Variants in SETX observed in about 807,000 individuals in gnomAD.
SETX encodes helicase senataxin.
A neutral mutation model predicts 227.2 loss-of-function variants in SETX; 90 were observed. The observed-to-expected ratio is 0.40, with a 90% CI of 0.33 to 0.47. The LOEUF is 0.47. Ranked by LOEUF, SETX falls within the 20% of genes least tolerant of loss-of-function variation. SETX has a pLI of 0.91. For synonymous variants in SETX, 1,210 were observed against 1,113.2 expected, an observed-to-expected ratio of 1.09 and a Z score of -1.73; for missense variants, 3,052 against 3,181.5, an observed-to-expected ratio of 0.96 and a Z score of 0.98.
rs139833434 is a variant in SETX, at chr9:132,283,548, GA to G, written c.6397-136del. 1.6e-4 allele frequency: 172 copies of G among 1,091,510 alleles called. No individual in the cohort carries two copies. In the African/African-American group the frequency reaches 2.5e-3, roughly 16 times the overall value. The allele number at this position is 1,091,510 out of a possible 1,614,324, so 67.6% of individuals were successfully genotyped here. On this transcript the variant is annotated intron_variant, in intron 18 of 25. Transcript: ENST00000224140. ...GAAAAATATTTAGTAAAAGTTAGGG[GA>G]AACCCTCAAATCTAGGAAACAGCAG...
At chr9:132,292,805 T>C (rs1436507060) in intron 15 of SETX, among the ~76,000 whole-genome samples, 1 of 152,048 alleles carries the variant, frequency 6.6e-6, no homozygotes, top group Non-Finnish European at 1.5e-5. Flanking sequence ...ACCTGGCTAA[T>C]TTTTTGTGTT....
chr9:132,271,286 G>A lies in SETX; in HGVS notation c.7199+424C>T, dbSNP rs112851883. Among the ~76,000 whole-genome samples, 729 of 152,284 alleles carry A rather than the reference G, an allele frequency of 4.8e-3. 4 individuals are homozygous for A. The highest frequency in any genetic ancestry group is 0.017 in the African/African-American group (691 of 41,554). On this transcript the variant is annotated intron_variant, in intron 24 of 25. Transcript: ENST00000224140. ...GGTTAATATAAAAGACACCAAGGCC[G>A]GGCGCAGTGACTCACGCCTGTAATC...
rs1214545867 is a variant in SETX at position 132,264,311 on chromosome 9, CCTGGTGTGATGGGT to C, written c.7948_7961del (p.Thr2650GlufsTer4). The C allele has an allele frequency of 9.3e-6, 15 of 1,614,116 alleles. No homozygotes were observed. The highest frequency in any genetic ancestry group is 1.3e-5 in the Non-Finnish European group (15 of 1,180,054). On this transcript the variant is annotated frameshift_variant, in exon 26 of 26. Transcript: ENST00000224140. LOFTEE classifies it low-confidence loss of function (END_TRUNC). ...TCCTCTTGTCCCACCTAGAGTTCCT[CCTGGTGTGATGGGT>C]CTCGGAACCACACTTCTCCTGCTCC...
intron 20 of SETX, 134 bp downstream of exon 20, chr9:132,281,333 C>A: frequency 2.9e-6 from 2 of 679,608 alleles, no homozygotes; most frequent in Non-Finnish European, 5.2e-6. Flanking sequence ...TTAAGTGCTT[C>A]TCTTTTCTTA....
chr9:132,335,428 C>T (rs1297644013), intron 6 of SETX, among the ~76,000 whole-genome samples: 1 of 149,530 alleles, frequency 6.7e-6, no homozygotes, highest in African/African-American at 2.5e-5. Context: ...TATTTTGAGC[C>T]ACAATAGGAC....
At chr9:132,326,029 A>T (rs1366475345) in intron 10 of SETX, among the ~76,000 whole-genome samples, 1 of 151,326 alleles carries the variant, frequency 6.6e-6, no homozygotes, top group Non-Finnish European at 1.5e-5. Flanking sequence ...TAAAACCAGT[A>T]TCTAAATCGA....
chr9:132,334,602 T>C lies in SETX; in HGVS notation c.838+6A>G, dbSNP rs1371674204. On this transcript the variant is annotated splice_donor_region_variant and intron_variant, in intron 7 of 25. Coordinates refer to ENST00000224140, the MANE Select transcript of SETX (RefSeq NM_015046.7). ...TCAACAACATTCAGCAAGTAAAGTT[T>C]ATTACCATCTGCTTCCCTCTCCATA... The C allele has an allele frequency of 6.2e-7, 1 of 1,614,044 alleles. No individual in the cohort carries two copies. The highest frequency in any genetic ancestry group is 8.5e-7 in the Non-Finnish European group (1 of 1,179,948).
At chr9:132,274,494 T>C (rs1218413647) in intron 23 of SETX, among the ~76,000 whole-genome samples, 1 of 151,238 alleles carries the variant, frequency 6.6e-6, no homozygotes, top group African/African-American at 2.4e-5. Context: ...GCTGGAGTGA[T>C]GCAGTGGGGC....
chr9:132,292,578 T>C (rs1844401221), intron 15 of SETX, among the ~76,000 whole-genome samples: 1 of 151,576 alleles, frequency 6.6e-6, no homozygotes. Context: ...ATAGACAAGC[T>C]GTCTTATACA....
At position 132,262,007 on chromosome 9, in the gene SETX, A is replaced by G. The variant is rs545456048; in HGVS notation, c.*2232T>C. ...AATGGCTTTGGCAAATACTTGTACC[A>G]ACTGGAACGAGTGAAGTTTCAAAAG... is the stretch of plus-strand genomic sequence containing the variant. On this transcript the variant is annotated 3_prime_UTR_variant, in exon 26 of 26. Transcript: ENST00000224140. 34 of 154,260 alleles carry G rather than the reference A, an allele frequency of 2.2e-4. No homozygotes were observed. In the South Asian group the frequency reaches 6.7e-3, roughly 31 times the overall value. The allele number at this position is 154,260 out of a possible 1,614,324, so 9.6% of individuals were successfully genotyped here. A position where few individuals can be genotyped will look rare whatever the true frequency, so the allele number is the denominator to read the frequency against.
intron 3 of SETX, among the ~76,000 whole-genome samples, chr9:132,347,417 A>G (rs1028083215): frequency 6.6e-6 from 1 of 151,680 alleles, no homozygotes; most frequent in Non-Finnish European, 1.5e-5. Flanking sequence ...GGTTCAAGCG[A>G]TTCTCCTGCC....
At position 132,326,767 on chromosome 9, in the gene SETX, A is replaced by G. The variant is rs1354551616; in HGVS notation, c.4831T>C (p.Ser1611Pro). The change falls in exon 10 of 26, where the codon TCT becomes CCT. Residue 1611 changes from serine to proline, a missense_variant. Coordinates refer to ENST00000224140, the MANE Select transcript of SETX (RefSeq NM_015046.7). ...GCTGAAGAAGTTTCCAAAGATTTAG[A>G]AAGACCAGCAATTCGTGAAGTACTC... ...SKSTSRIAGL[S>P]KSLETSSALS... 1 of 1,614,228 alleles carries G rather than the reference A, an allele frequency of 6.2e-7. No individual in the cohort carries two copies. Among genetic ancestry groups the G allele is most frequent in the Non-Finnish European group, 8.5e-7 (1 of 1,180,040 alleles).
intron 25 of SETX, among the ~76,000 whole-genome samples, chr9:132,267,717 G>A (rs112381286): frequency 1.3e-5 from 2 of 152,216 alleles, no homozygotes; most frequent in East Asian, 3.8e-4. Context: ...GCACAGTTGT[G>A]CAAGTGTGAC....
At chr9:132,333,249 C>G (rs1039205264) in intron 7 of SETX, among the ~76,000 whole-genome samples, 4 of 151,096 alleles carry the variant, frequency 2.6e-5, no homozygotes, top group Non-Finnish European at 5.9e-5. Context: ...TATGGTGGTG[C>G]ATACCTGTAA....
intron 3 of SETX, 122 bp downstream of exon 3, chr9:132,349,126 CAAAA>C: frequency 2.6e-6 from 2 of 778,552 alleles, no homozygotes; most frequent in Non-Finnish European, 3.8e-6. Flanking sequence ...AAAACAAAAA[CAAAA>C]AAAAAAACCC....
upstream of SETX, among the ~76,000 whole-genome samples, chr9:132,356,074 C>T (rs1289538181): frequency 6.6e-6 from 1 of 151,722 alleles, no homozygotes; most frequent in Non-Finnish European, 1.5e-5. Flanking sequence ...CCATTGAGAC[C>T]GGGAGATCGA....
intron 6 of SETX, among the ~76,000 whole-genome samples, chr9:132,335,485 T>A (rs1011120217): frequency 2.6e-5 from 4 of 151,956 alleles, no homozygotes; most frequent in African/African-American, 9.7e-5. Context: ...ATTTAATTTT[T>A]TTTTTTTTAG....
chr9:132,306,600 C>T (rs1845348965), intron 11 of SETX, among the ~76,000 whole-genome samples: 1 of 152,194 alleles, frequency 6.6e-6, no homozygotes, highest in Admixed American at 6.5e-5. Context: ...GGTTCACCTA[C>T]TTCAATTGTA....
chr9:132,296,911 G>A lies in SETX; in HGVS notation c.5925C>T (p.Gly1975=), dbSNP rs751507320. 2 of 1,614,098 alleles carry A rather than the reference G, an allele frequency of 1.2e-6. No individual in the cohort carries two copies. The highest frequency in any genetic ancestry group is 2.2e-5 in the East Asian group (1 of 44,878). Residue 1975 remains glycine, a synonymous_variant, in exon 14 of 26, where the codon GGC becomes GGT. Transcript: ENST00000224140. The part of the protein sequence containing the change: ...PGTGKSKTIV[G]LLYRLLTENQ... ...CCTCTGTCAGTAGACGATAGAGGAG[G>A]CCAACAATAGTTTTTGATTTTCCTG...
Sources: allele counts gnomAD v4.1 joint callset (sites outside exome capture counted in the v4.1 genomes callset), GRCh38; gene constraint gnomAD v4.1.1; transcripts MANE v1.5; gene names NCBI Gene and HGNC (gene_info 2026-07-23, HGNC 2026-07-21).